Variants in CD96 observed in about 807,000 individuals in gnomAD.
The protein encoded by CD96 is CD96 molecule, also known as T-cell surface protein tactile.
Under a neutral mutation model 71.3 loss-of-function variants are expected in CD96, and 70 were observed. The ratio of observed to expected loss-of-function variants is 0.98; its 90% confidence interval spans 0.81 to 1.20. The LOEUF is 1.20. Among genes scored for constraint, CD96 ranks in the 50% most tolerant of loss-of-function variants. The pLI is 0.00. For synonymous variants in CD96, 248 were observed against 233.0 expected, an observed-to-expected ratio of 1.06 and a Z score of -0.59; for missense variants, 742 against 677.5, an observed-to-expected ratio of 1.10 and a Z score of -1.06.
intron 14 of CD96, among the ~76,000 whole-genome samples, chr3:111,664,514 A>G (rs919791010): frequency 6.6e-6 from 1 of 152,168 alleles, no homozygotes. Flanking sequence ...ACTAGAGCAT[A>G]AAGGGAAGGA....
chr3:111,561,311 T>G (rs1174975901), intron 2 of CD96, among the ~76,000 whole-genome samples: 1 of 150,040 alleles, frequency 6.7e-6, no homozygotes, highest in Non-Finnish European at 1.5e-5. Context: ...CCAGTTTTTC[T>G]GTTCTGTTTT....
intron 3 of CD96, among the ~76,000 whole-genome samples, chr3:111,569,268 A>G (rs1321006597): frequency 2.0e-5 from 3 of 152,136 alleles, no homozygotes; most frequent in African/African-American, 7.2e-5. Flanking sequence ...CAGATAGTAA[A>G]TAATAAAAAG....
At chr3:111,587,515 A>T (rs1380848529) in intron 5 of CD96, among the ~76,000 whole-genome samples, 1 of 152,198 alleles carries the variant, frequency 6.6e-6, no homozygotes, top group Non-Finnish European at 1.5e-5. Context: ...GCTGTCACGG[A>T]TCTACCATTC....
chr3:111,567,537 T>C lies in CD96; in HGVS notation c.433T>C (p.Trp145Arg). 3.1e-6 allele frequency: 5 copies of C among 1,605,744 alleles called. No homozygotes were observed. The highest frequency in any genetic ancestry group is 4.3e-6 in the Non-Finnish European group (5 of 1,172,560). The change falls in exon 3 of 14, where the codon TGG (tryptophan) becomes CGG (arginine). Residue 145 changes from tryptophan to arginine, a missense_variant. Transcript: ENST00000352690. ...LIQTHVTADE[W>R]NSNHTIEIEI... ...TTTTGTTACAGTTACAGCAGATGAATGGAACAGCAACCATACGATAGAAAT... is the reference window on the plus strand; with the variant it reads ...TTTTGTTACAGTTACAGCAGATGAACGGAACAGCAACCATACGATAGAAAT...
At chr3:111,604,758 C>A (rs1341277301) in intron 7 of CD96, among the ~76,000 whole-genome samples, 2 of 152,184 alleles carry the variant, frequency 1.3e-5, no homozygotes, top group African/African-American at 4.8e-5. Flanking sequence ...GAACTGGCAA[C>A]CTTCTTCTGT....
intron 3 of CD96, among the ~76,000 whole-genome samples, chr3:111,571,276 A>G (rs1935973205): frequency 6.8e-6 from 1 of 147,812 alleles, no homozygotes; most frequent in Admixed American, 6.8e-5. Context: ...TAGAGTCTAG[A>G]GCATAGGTAC....
At chr3:111,658,311 C>T (rs1460904015) in intron 14 of CD96, among the ~76,000 whole-genome samples, 1 of 151,938 alleles carries the variant, frequency 6.6e-6, no homozygotes, top group African/African-American at 2.4e-5. Context: ...GAGTCCTTAC[C>T]AGTAGTAAGT....
chr3:111,570,838 T>C (rs1456089142), intron 3 of CD96: 1 of 1,612,468 alleles, frequency 6.2e-7, no homozygotes, highest in Admixed American at 1.7e-5. Context: ...CCCAGGCTTG[T>C]GGCTCCAGGG....
At chr3:111,635,151 T>C (rs1576418612) in intron 10 of CD96, 1 of 153,412 alleles carries the variant, frequency 6.5e-6, no homozygotes, top group East Asian at 1.9e-4. Flanking sequence ...ATACCAGAAT[T>C]GTTCATCTCT....
At chr3:111,586,744 A>G (rs1023105966) in intron 5 of CD96, among the ~76,000 whole-genome samples, 11 of 152,160 alleles carry the variant, frequency 7.2e-5, no homozygotes, top group African/African-American at 2.4e-4. Context: ...TCATGATAAC[A>G]GCACAGGAAA....
chr3:111,594,276 T>C (rs1937151647), intron 5 of CD96: 21 of 1,495,254 alleles, frequency 1.4e-5, no homozygotes, highest in Middle Eastern at 1.8e-4. Flanking sequence ...CAAGATTAAA[T>C]ATATATTTGG....
chr3:111,636,502 A>G (rs1195572922), intron 10 of CD96, among the ~76,000 whole-genome samples: 1 of 152,230 alleles, frequency 6.6e-6, no homozygotes, highest in Non-Finnish European at 1.5e-5. Flanking sequence ...TTTATCAAAT[A>G]CAGATATGTG....
chr3:111,616,055 G>T (rs1938217980), intron 8 of CD96, among the ~76,000 whole-genome samples: 1 of 151,938 alleles, frequency 6.6e-6, no homozygotes, highest in Non-Finnish European at 1.5e-5. Flanking sequence ...ATTTTAAATT[G>T]CAGCTGCCTC....
intron 7 of CD96, among the ~76,000 whole-genome samples, chr3:111,601,465 A>G (rs1341367040): frequency 6.6e-6 from 1 of 152,198 alleles, no homozygotes; most frequent in African/African-American, 2.4e-5. Context: ...ATTGATATAT[A>G]GGATTACTCT....
In CD96 at chr3:111,593,339, G is replaced by A. The variant is rs138730487; in HGVS notation, c.808-4781G>A. ...TTTAATAGGTACATTTTAGAGTTTC[G>A]GCCAAGGGTCAGCAGAGCTCTAGGA... On this transcript the variant is annotated intron_variant, in intron 5 of 13. Transcript: ENST00000352690. 1,449 of 486,548 alleles carry A rather than the reference G, an allele frequency of 3.0e-3. 13 individuals carry two copies. The highest frequency in any genetic ancestry group is 0.022 in the African/African-American group (1,110 of 51,010). 30.1% of individuals were successfully genotyped at this position (486,548 alleles called of 1,614,324 possible).
chr3:111,614,173 C>G (rs1215979156), intron 8 of CD96, among the ~76,000 whole-genome samples: 1 of 152,210 alleles, frequency 6.6e-6, no homozygotes, highest in African/African-American at 2.4e-5. Context: ...CTTCTTTCCT[C>G]TTCCTTCCCC....
rs73852841 is a variant in CD96 at position 111,617,683 on chromosome 3, C to G, written c.1181-6071C>G. 8.1e-3 allele frequency among the ~76,000 whole-genome samples: 1,227 copies of G among 152,316 alleles called. 20 individuals are homozygous for G. Among genetic ancestry groups the G allele is most frequent in the African/African-American group, 0.028 (1,174 of 41,570 alleles). ...TGTTCTGTGGCTCAGTGAAGCTCCT[C>G]TCCACCTTGCTCACCCTCCAGTTGT... is the stretch of plus-strand genomic sequence containing the variant. On this transcript the variant is annotated intron_variant, in intron 8 of 13. Transcript: ENST00000352690.
intron 5 of CD96, chr3:111,593,677 T>C: frequency 3.1e-6 from 5 of 1,612,274 alleles, no homozygotes; most frequent in Non-Finnish European, 4.2e-6. Context: ...GCTCCCTTTT[T>C]TCCACAGCCC....
chr3:111,655,114 T>C (rs1940198261), downstream of CD96, among the ~76,000 whole-genome samples: 1 of 152,240 alleles, frequency 6.6e-6, no homozygotes, highest in South Asian at 2.1e-4. Context: ...CTCTTACAGA[T>C]AATTGGGTTG....
Sources: gnomAD v4.1 joint callset for allele counts (sites outside exome capture counted in the v4.1 genomes callset) on GRCh38, gnomAD v4.1.1 for gene constraint, MANE v1.5 for transcripts, NCBI Gene and HGNC (gene_info 2026-07-23, HGNC 2026-07-21) for gene names.